The following HACE1 variants were observed in gnomAD, a reference collection of about 807,000 sequenced individuals.
HACE1 encodes the protein E3 ubiquitin-protein ligase HACE1.
HACE1 carries 73 observed loss-of-function variants against 118.4 expected under a neutral mutation model. The observed-to-expected ratio is 0.62, with a 90% CI of 0.51 to 0.75. HACE1 has a LOEUF of 0.75. Ranked by LOEUF, HACE1 falls within the 30% of genes least tolerant of loss-of-function variation. The pLI, the probability that HACE1 is intolerant of heterozygous loss-of-function variation, is 0.00. For synonymous variants in HACE1, 368 were observed against 374.8 expected (o/e 0.98, Z 0.21); for missense variants, 749 against 1,102.2 (o/e 0.68, Z 4.54).
chr6:104,728,857 T>C lies in HACE1; in HGVS notation c.*805A>G, dbSNP rs1323257654. ...AAAATTAACATATTTAAATTATAAT[T>C]TGCACATCAGATTACTTTTTCAGAT... On this transcript the variant is annotated 3_prime_UTR_variant, in exon 24 of 24. Coordinates refer to ENST00000262903, the MANE Select transcript of HACE1 (RefSeq NM_020771.4). The C allele has an allele frequency of 6.6e-6, 1 of 152,440 alleles. No individual in the cohort carries two copies. The highest frequency in any genetic ancestry group is 6.6e-5 in the Admixed American group (1 of 15,254). The allele number at this position is 152,440 out of a possible 1,614,324, so 9.4% of individuals were successfully genotyped here. A position where few individuals can be genotyped will look rare whatever the true frequency, so the allele number is the denominator to read the frequency against.
intron 22 of HACE1, among the ~76,000 whole-genome samples, chr6:104,737,798 G>A (rs1167408821): frequency 3.9e-5 from 6 of 152,224 alleles, no homozygotes; most frequent in African/African-American, 9.6e-5. Context: ...CAAAGCAGCG[G>A]GGAAGCCCGA....
intron 13 of HACE1, 110 bp downstream of exon 13, chr6:104,784,307 A>G (rs1782100918): frequency 3.4e-6 from 3 of 894,314 alleles, no homozygotes; most frequent in Non-Finnish European, 5.7e-6. Flanking sequence ...TTCATTTGTT[A>G]TTGAGCATAT....
At chr6:104,831,973 GAGAAGAGAGGA>G (rs1773980066) in intron 6 of HACE1, among the ~76,000 whole-genome samples, 4 of 58,950 alleles carry the variant, frequency 6.8e-5, no homozygotes, top group African/African-American at 1.9e-4. Flanking sequence ...GAGAAGAGAA[GAGAAGAGAGGA>G]AGGAAGGAAG....
At chr6:104,793,863 CAGGCCAAAAATGGCCA>C (rs1783333023) in intron 10 of HACE1, among the ~76,000 whole-genome samples, 1 of 152,172 alleles carries the variant, frequency 6.6e-6, no homozygotes, top group African/African-American at 2.4e-5. Context: ...GAGATATTTA[CAGGCCAAAAATGGCCA>C]TAAAAATAAG....
At position 104,784,166 on chromosome 6, in the gene HACE1, T is replaced by C; in HGVS notation, c.1486A>G (p.Lys496Glu). The change falls in exon 14 of 24, where the codon AAA becomes GAA. Residue 496 changes from lysine to glutamate, a missense_variant. Coordinates refer to ENST00000262903, the MANE Select transcript of HACE1 (RefSeq NM_020771.4). ...AAGTGAAAGTGGTCAAATATAATTT[T>C]GGGATTTCTAAAAGAAAAATATTTT... ...VLKCFVNRNPKIIFDHFHFLL... is the reference protein window; with the variant it reads ...VLKCFVNRNPEIIFDHFHFLL... 6.3e-7 allele frequency: 1 copy of C among 1,579,268 alleles called. No individual in the cohort carries two copies.
intron 6 of HACE1, among the ~76,000 whole-genome samples, chr6:104,813,229 T>C (rs1771813176): frequency 7.2e-6 from 1 of 138,124 alleles, no homozygotes; most frequent in Non-Finnish European, 1.6e-5. Context: ...GGCTCATGCC[T>C]GTAATTCTAA....
At chr6:104,825,153 T>G (rs1005694943) in intron 6 of HACE1, among the ~76,000 whole-genome samples, 3 of 151,344 alleles carry the variant, frequency 2.0e-5, no homozygotes, top group African/African-American at 7.3e-5. Flanking sequence ...TGATCCTGCA[T>G]TTGAGTGGTT....
intron 5 of HACE1, among the ~76,000 whole-genome samples, chr6:104,838,011 G>C (rs1774716813): frequency 6.6e-6 from 1 of 152,062 alleles, no homozygotes. Context: ...CCAAAGAAGT[G>C]AAAGATGTCT....
At chr6:104,811,447 C>A in intron 6 of HACE1, 54 bp from the exon 7 acceptor site, 1 of 831,392 alleles carries the variant, frequency 1.2e-6, no homozygotes, top group Non-Finnish European at 2.1e-6. Context: ...ACAAAAGATA[C>A]AATTACCACA....
intron 19 of HACE1, among the ~76,000 whole-genome samples, chr6:104,756,424 AAAATAT>A (rs1441827461): frequency 1.1e-3 from 132 of 122,088 alleles, no homozygotes; most frequent in African/African-American, 1.1e-3. Flanking sequence ...AAAAAAAAAA[AAAATAT>A]ATATATATAT....
At chr6:104,734,569 A>G (rs1052507534) in intron 22 of HACE1, among the ~76,000 whole-genome samples, 1 of 152,182 alleles carries the variant, frequency 6.6e-6, no homozygotes, top group African/African-American at 2.4e-5. Context: ...ATTACACTCA[A>G]TGTTGAAAGG....
rs188331890 is a variant in HACE1, at chr6:104,844,212, T to C, written c.327-914A>G. 5.4e-3 allele frequency among the ~76,000 whole-genome samples: 825 copies of C among 151,970 alleles called. 10 individuals carry two copies. Among genetic ancestry groups the C allele is most frequent in the African/African-American group, 0.019 (797 of 41,466 alleles). Reference sequence around the variant, plus strand: ...GCCACCATGCCCAGCTAATTTTGTATTTTTAGTAGAAACGGGGTTTCACCA... The same window carrying C: ...GCCACCATGCCCAGCTAATTTTGTACTTTTAGTAGAAACGGGGTTTCACCA... On this transcript the variant is annotated intron_variant, in intron 4 of 23. Coordinates refer to ENST00000262903, the MANE Select transcript of HACE1 (RefSeq NM_020771.4).
rs774286036 is a variant in HACE1, at chr6:104,734,045, G to C, written c.2514-3629C>G. Among the ~76,000 whole-genome samples, 4 of 151,000 alleles carry C rather than the reference G, an allele frequency of 2.6e-5. No homozygotes were observed. The East Asian group carries it at 7.8e-4, about 30-fold the overall frequency. ...TAAGCGCCTGTAATCCCAGCGACTC[G>C]GGAGGGCTTAGGCAGGAGAATCACT... On this transcript the variant is annotated intron_variant, in intron 22 of 23. Transcript: ENST00000262903.
At chr6:104,774,239 G>A (rs1243879056) in intron 17 of HACE1, among the ~76,000 whole-genome samples, 1 of 129,278 alleles carries the variant, frequency 7.7e-6, no homozygotes, top group Non-Finnish European at 1.6e-5. Flanking sequence ...ACAGGCGCCC[G>A]CCACTACGCC....
chr6:104,748,248 G>GA (rs34032176), intron 20 of HACE1, among the ~76,000 whole-genome samples: 68,157 of 149,594 alleles, frequency 0.46, 17,499 homozygotes, highest in African/African-American at 0.72. Flanking sequence ...TCAGTAAAAA[G>GA]AAAAAAAAAC....
chr6:104,812,796 G>A (rs933730175), intron 6 of HACE1, among the ~76,000 whole-genome samples: 1 of 152,184 alleles, frequency 6.6e-6, no homozygotes, highest in Non-Finnish European at 1.5e-5. Flanking sequence ...CAGGTACCTT[G>A]GAATATAGGA....
chr6:104,811,085 A>G (rs1007094995), intron 7 of HACE1, among the ~76,000 whole-genome samples: 2 of 151,846 alleles, frequency 1.3e-5, no homozygotes, highest in African/African-American at 4.8e-5. Flanking sequence ...CAGTTAAGTA[A>G]TAGAACCATA....
At chr6:104,766,409 A>G (rs1429076280) in intron 19 of HACE1, among the ~76,000 whole-genome samples, 2 of 152,164 alleles carry the variant, frequency 1.3e-5, no homozygotes, top group African/African-American at 4.8e-5. Flanking sequence ...TCAGTACTCG[A>G]AAAGTTTCAG....
chr6:104,730,571 A>G lies in HACE1; in HGVS notation c.2514-155T>C. On this transcript the variant is annotated intron_variant, in intron 22 of 23. Coordinates refer to ENST00000262903, the MANE Select transcript of HACE1 (RefSeq NM_020771.4). ...TACAAAACTCCAATTCATTACTGTA[A>G]GTTGCTTTGTGATTAGTTAGCAAGC... is the stretch of plus-strand genomic sequence containing the variant. The G allele has an allele frequency of 4.7e-6, 3 of 632,296 alleles. No homozygotes were observed. In the East Asian group the frequency reaches 8.5e-5, roughly 18 times the overall value. The allele number at this position is 632,296 out of a possible 1,614,324, so 39.2% of individuals were successfully genotyped here. A position where few individuals can be genotyped will look rare whatever the true frequency, so the allele number is the denominator to read the frequency against.
Sources: gnomAD v4.1 joint callset for allele counts (sites outside exome capture counted in the v4.1 genomes callset) on GRCh38, gnomAD v4.1.1 for gene constraint, MANE v1.5 for transcripts, NCBI Gene and HGNC (gene_info 2026-07-23, HGNC 2026-07-21) for gene names.